CATSPERE: variants seen among roughly 807,000 people sequenced by gnomAD.
CATSPERE encodes the protein catsper channel auxiliary subunit epsilon, also known as cation channel sperm-associated auxiliary subunit epsilon.
In CATSPERE, 93 loss-of-function variants were observed where a neutral mutation model predicts 114.1. The observed-to-expected ratio is 0.81, with a 90% confidence interval of 0.69 to 0.97. The LOEUF is 0.97. Ranked by LOEUF, CATSPERE falls within the 50% of genes least tolerant of loss-of-function variation. CATSPERE has a pLI of 0.00. For missense variants in CATSPERE, 1,058 were observed against 1,131.6 expected, an observed-to-expected ratio of 0.93 and a Z score of 0.93; for synonymous variants, 341 against 384.1, an observed-to-expected ratio of 0.89 and a Z score of 1.31.
At chr1:244,592,824 G>C (rs1313256611) in intron 15 of CATSPERE, among the ~76,000 whole-genome samples, 1 of 152,172 alleles carries the variant, frequency 6.6e-6, no homozygotes, top group Non-Finnish European at 1.5e-5. Flanking sequence ...TCCTGAGTCT[G>C]TCCCCTGCAA....
chr1:244,613,077 A>G (rs59593637), intron 19 of CATSPERE, among the ~76,000 whole-genome samples: 2,550 of 152,330 alleles, frequency 0.017, 74 homozygotes, highest in African/African-American at 0.058. Flanking sequence ...ACAAAAATAC[A>G]TAATGATACA....
intron 20 of CATSPERE, among the ~76,000 whole-genome samples, chr1:244,635,190 T>A (rs12086588): frequency 0.023 from 3,445 of 152,322 alleles, 130 homozygotes; most frequent in African/African-American, 0.078. Flanking sequence ...TTAGCTTTTT[T>A]TTATTTCTGC....
At chr1:244,553,602 T>TACAC (rs67626437) in intron 9 of CATSPERE, among the ~76,000 whole-genome samples, 9,308 of 91,810 alleles carry the variant, frequency 0.1, 729 homozygotes, top group African/African-American at 0.14. Context: ...AAAAAAAAAA[T>TACAC]ACACACACAC....
rs374566807 is a variant in CATSPERE at position 244,594,675 on chromosome 1, G to A, written c.2303+1097G>A. ...TTCTTAGTCAAGGCTTTCAGCTTTT[G>A]GGGACCTCCTAGGCTGCAGACAGCT... On this transcript the variant is annotated intron_variant, in intron 17 of 21. Coordinates refer to ENST00000366534, the MANE Select transcript of CATSPERE (RefSeq NM_001130957.2). Among the ~76,000 whole-genome samples the A allele has an allele frequency of 1.1e-4, 16 of 152,166 alleles. 1 individual carries two copies. In the South Asian group the frequency reaches 1.5e-3, roughly 14 times the overall value.
intron 19 of CATSPERE, among the ~76,000 whole-genome samples, chr1:244,616,714 C>T (rs1266607249): frequency 6.6e-6 from 1 of 152,212 alleles, no homozygotes; most frequent in Non-Finnish European, 1.5e-5. Flanking sequence ...ACCAATTAGA[C>T]CTCACTTTCC....
chr1:244,456,563 A>C (rs1211746823), upstream of CATSPERE, among the ~76,000 whole-genome samples: 3 of 152,236 alleles, frequency 2.0e-5, no homozygotes, highest in Non-Finnish European at 4.4e-5. Context: ...GACAGTTTTA[A>C]AGATTTTTGG....
chr1:244,578,037 T>G (rs1665551945), intron 11 of CATSPERE, among the ~76,000 whole-genome samples: 1 of 152,234 alleles, frequency 6.6e-6, no homozygotes, highest in South Asian at 2.1e-4. Flanking sequence ...TAACTCTTGG[T>G]TTTCTTTCCA....
Position 244,573,879 on chromosome 1 carries a change from T to C in CATSPERE, c.1950+1107T>C, listed in dbSNP as rs1028489317. 6.6e-6 allele frequency among the ~76,000 whole-genome samples: 1 copy of C among 152,226 alleles called. No homozygotes were observed. Among genetic ancestry groups the C allele is most frequent in the Non-Finnish European group, 1.5e-5 (1 of 68,032 alleles). On this transcript the variant is annotated intron_variant, in intron 11 of 21. Coordinates refer to ENST00000366534, the MANE Select transcript of CATSPERE (RefSeq NM_001130957.2). The surrounding 1 kb of genome is among the most constrained non-coding windows in gnomAD (Gnocchi z 4.0). ...TAGGTGTTATAAGTAAAATGTTTAC[T>C]TAGAAACAGAATGCTTGTTCTTTGG...
chr1:244,591,259 T>C (rs1667685410), intron 14 of CATSPERE, among the ~76,000 whole-genome samples: 1 of 148,928 alleles, frequency 6.7e-6, no homozygotes. Flanking sequence ...ATCATTTTGG[T>C]GGTAAGAAAA....
chr1:244,529,263 A>G (rs1011505629), intron 8 of CATSPERE, among the ~76,000 whole-genome samples: 2 of 152,296 alleles, frequency 1.3e-5, no homozygotes, highest in African/African-American at 4.8e-5. Context: ...AATGTTCTCC[A>G]TAGTGGTTAT....
At chr1:244,528,172 T>C (rs1163008440) in intron 8 of CATSPERE, among the ~76,000 whole-genome samples, 2 of 152,214 alleles carry the variant, frequency 1.3e-5, no homozygotes, top group Admixed American at 6.5e-5. Flanking sequence ...CATGTGTCCA[T>C]GTGTTCTCAT....
At chr1:244,496,332 G>A (rs1020515451) in intron 6 of CATSPERE, among the ~76,000 whole-genome samples, 2 of 152,196 alleles carry the variant, frequency 1.3e-5, no homozygotes, top group Non-Finnish European at 2.9e-5. Context: ...CTTGCTAGGT[G>A]AACAAAAGCC....
chr1:244,580,878 G>A (rs2148608970), intron 11 of CATSPERE, among the ~76,000 whole-genome samples: 1 of 152,236 alleles, frequency 6.6e-6, no homozygotes, highest in South Asian at 2.1e-4. Context: ...GCAGGTACCT[G>A]TAATCCCAGC....
At chr1:244,609,861 C>T (rs1045970687) in intron 18 of CATSPERE, among the ~76,000 whole-genome samples, 6 of 152,066 alleles carry the variant, frequency 3.9e-5, no homozygotes, top group Admixed American at 3.3e-4. Flanking sequence ...GGCAACATAG[C>T]GAGGCTCCAT....
At chr1:244,527,058 G>A (rs545466491) in intron 8 of CATSPERE, among the ~76,000 whole-genome samples, 17 of 152,234 alleles carry the variant, frequency 1.1e-4, no homozygotes, top group East Asian at 1.9e-4. Context: ...CCACAGGACC[G>A]GGGCAAAATT....
At chr1:244,482,199 G>T (rs1572315098) in intron 5 of CATSPERE, among the ~76,000 whole-genome samples, 2 of 152,312 alleles carry the variant, frequency 1.3e-5, no homozygotes, top group East Asian at 3.9e-4. Context: ...TAGCATTGTG[G>T]CTCATGCTTG....
intron 8 of CATSPERE, among the ~76,000 whole-genome samples, chr1:244,529,442 C>A (rs1034564776): frequency 2.6e-5 from 4 of 152,212 alleles, no homozygotes; most frequent in African/African-American, 9.6e-5. Context: ...TTTCATATAC[C>A]TATTTACCAT....
intron 8 of CATSPERE, among the ~76,000 whole-genome samples, chr1:244,528,826 CTCT>C (rs1200385361): frequency 1.2e-4 from 18 of 150,230 alleles, no homozygotes; most frequent in Admixed American, 6.0e-4. Context: ...CACACACACA[CTCT>C]ACTCTTTCCA....
chr1:244,535,678 G>C (rs1160844067), intron 8 of CATSPERE, among the ~76,000 whole-genome samples: 2 of 152,116 alleles, frequency 1.3e-5, no homozygotes, highest in Admixed American at 1.3e-4. Flanking sequence ...TCTGGCCCAA[G>C]TCAAGTCTAA....
Sources: gnomAD v4.1 joint callset for allele counts (sites outside exome capture counted in the v4.1 genomes callset) on GRCh38, gnomAD v4.1.1 for gene constraint, Gnocchi (gnomAD v3.1) non-coding constraint, MANE v1.5 for transcripts, NCBI Gene and HGNC (gene_info 2026-07-23, HGNC 2026-07-21) for gene names.